Variants in C1orf21 observed in about 807,000 individuals in gnomAD.
C1orf21 encodes the protein uncharacterized protein C1orf21.
A neutral mutation model predicts 18.7 loss-of-function variants in C1orf21; 3 were observed. That is an observed-to-expected ratio of 0.16 (90% CI 0.07 to 0.42). The LOEUF (loss-of-function observed/expected upper bound fraction) is 0.42. Among genes scored for constraint, C1orf21 ranks in the 10% least tolerant of loss-of-function variants. The pLI is 0.99. For missense variants in C1orf21, 104 were observed against 143.6 expected, an observed-to-expected ratio of 0.72 and a Z score of 1.41; for synonymous variants, 41 against 46.4, an observed-to-expected ratio of 0.88 and a Z score of 0.47.
intron 1 of C1orf21, among the ~76,000 whole-genome samples, chr1:184,470,595 A>G (rs1487950649): frequency 6.6e-6 from 1 of 152,138 alleles, no homozygotes; most frequent in African/African-American, 2.4e-5. Context: ...GTGGAAGAAG[A>G]AGGCCAGGTG....
At chr1:184,619,445 G>T in intron 5 of C1orf21, 73 bp from the exon 6 acceptor site, 1 of 1,506,776 alleles carries the variant, frequency 6.6e-7, no homozygotes, top group Non-Finnish European at 9.2e-7. Context: ...AGAGAAAATT[G>T]ATTACAAGTA....
rs147307029 is a variant in C1orf21, at chr1:184,568,107, T to C, written c.190-22632T>C. ...CCATTTTAAAACCCTCTCTCTAGCCTAAAGTTTGAAGTGATACCCTTGAGG... is the reference window on the plus strand; with the variant it reads ...CCATTTTAAAACCCTCTCTCTAGCCCAAAGTTTGAAGTGATACCCTTGAGG... On this transcript the variant is annotated intron_variant, in intron 3 of 5. Transcript: ENST00000235307. Among the ~76,000 whole-genome samples the C allele has an allele frequency of 6.4e-3, 972 of 152,288 alleles. 9 individuals carry two copies. Among genetic ancestry groups the C allele is most frequent in the African/African-American group, 0.022 (922 of 41,548 alleles).
At chr1:184,530,916 A>G (rs562722044) in intron 3 of C1orf21, among the ~76,000 whole-genome samples, 1 of 152,080 alleles carries the variant, frequency 6.6e-6, no homozygotes, top group African/African-American at 2.4e-5. Context: ...GGTAATATTG[A>G]TGCAGGCAGA....
chr1:184,400,263 T>C (rs993537560), intron 1 of C1orf21, among the ~76,000 whole-genome samples: 3 of 152,222 alleles, frequency 2.0e-5, no homozygotes, highest in Non-Finnish European at 4.4e-5. Context: ...TGGTAAACAG[T>C]ATTTCGAGAC....
At chr1:184,530,625 G>GGGT (rs1437581649) in intron 3 of C1orf21, among the ~76,000 whole-genome samples, 1 of 137,660 alleles carries the variant, frequency 7.3e-6, no homozygotes, top group East Asian at 2.1e-4. Context: ...TTTTGAGCTG[G>GGGT]GGTTCACTTC....
chr1:184,547,642 G>T (rs948730065), intron 3 of C1orf21, among the ~76,000 whole-genome samples: 1 of 152,156 alleles, frequency 6.6e-6, no homozygotes, highest in Non-Finnish European at 1.5e-5. Context: ...AGTTGAGAGA[G>T]TAAAGCCAAA....
chr1:184,429,500 C>T (rs552886704), intron 1 of C1orf21, among the ~76,000 whole-genome samples: 1 of 152,238 alleles, frequency 6.6e-6, no homozygotes, highest in East Asian at 1.9e-4. Flanking sequence ...AGTTTTTGTA[C>T]GTGTTTCCAT....
At chr1:184,501,699 A>C (rs1657978694) in intron 2 of C1orf21, among the ~76,000 whole-genome samples, 1 of 152,204 alleles carries the variant, frequency 6.6e-6, no homozygotes, top group Non-Finnish European at 1.5e-5. Flanking sequence ...GAAACACAGA[A>C]AGGATAGCAG....
chr1:184,548,859 G>C (rs1364443494), intron 3 of C1orf21, among the ~76,000 whole-genome samples: 3 of 152,058 alleles, frequency 2.0e-5, no homozygotes, highest in Admixed American at 2.0e-4. Flanking sequence ...CGTTAAAGTT[G>C]TTGAAATATT....
At chr1:184,411,551 A>G (rs1019511182) in intron 1 of C1orf21, among the ~76,000 whole-genome samples, 1 of 150,920 alleles carries the variant, frequency 6.6e-6, no homozygotes, top group African/African-American at 2.4e-5. Context: ...CCTCCCGAGT[A>G]GCTGGGACTA....
intron 1 of C1orf21, among the ~76,000 whole-genome samples, chr1:184,442,613 A>G (rs1656966069): frequency 6.6e-6 from 1 of 152,170 alleles, no homozygotes. Flanking sequence ...GTTTGGCTCC[A>G]ATCTTATGAT....
intron 5 of C1orf21, among the ~76,000 whole-genome samples, chr1:184,617,904 G>GTTTTTTTT: frequency 1.1e-5 from 1 of 87,492 alleles, no homozygotes; most frequent in South Asian, 4.1e-4. Context: ...TGTTGTTGTT[G>GTTTTTTTT]TTTTTTTTTT....
chr1:184,476,764 A>C lies in C1orf21; in HGVS notation c.-124-622A>C, dbSNP rs116394191. On this transcript the variant is annotated intron_variant, in intron 1 of 5. Coordinates refer to ENST00000235307, the MANE Select transcript of C1orf21 (RefSeq NM_030806.4). ...GCTAGCTAAGCAGAAAATGGACAGAAGTAAGTTTTAGACCTTGCCCCATCT... is the reference window on the plus strand; with the variant it reads ...GCTAGCTAAGCAGAAAATGGACAGACGTAAGTTTTAGACCTTGCCCCATCT... Among the ~76,000 whole-genome samples, 175 of 152,328 alleles carry C rather than the reference A, an allele frequency of 1.1e-3. 1 individual carries two copies. Among genetic ancestry groups the C allele is most frequent in the African/African-American group, 4.0e-3 (166 of 41,576 alleles).
intron 1 of C1orf21, among the ~76,000 whole-genome samples, chr1:184,473,798 T>TG (rs1657529302): frequency 6.6e-6 from 1 of 152,218 alleles, no homozygotes; most frequent in South Asian, 2.1e-4. Context: ...GTATTTAAGC[T>TG]GCAATAGCTG....
chr1:184,411,612 C>T (rs1423995770), intron 1 of C1orf21, among the ~76,000 whole-genome samples: 1 of 151,996 alleles, frequency 6.6e-6, no homozygotes, highest in Non-Finnish European at 1.5e-5. Context: ...TTAATAGAGA[C>T]AGGGTTTCAC....
intron 1 of C1orf21, among the ~76,000 whole-genome samples, chr1:184,405,439 A>G (rs541151551): frequency 1.3e-5 from 2 of 152,162 alleles, no homozygotes; most frequent in African/African-American, 2.4e-5. Context: ...CAAGCCATCT[A>G]CCTGCCTCGG....
At chr1:184,434,384 TTCAG>T (rs937033219) in intron 1 of C1orf21, among the ~76,000 whole-genome samples, 6 of 152,296 alleles carry the variant, frequency 3.9e-5, no homozygotes, top group East Asian at 1.9e-4. Context: ...AAGTCATTCA[TTCAG>T]TCAGTCAGTC....
At chr1:184,468,482 T>G (rs571090979) in intron 1 of C1orf21, among the ~76,000 whole-genome samples, 108 of 152,330 alleles carry the variant, frequency 7.1e-4, no homozygotes, top group African/African-American at 2.4e-3. Context: ...GTTTTTCAAT[T>G]TGTAGGATTC....
chr1:184,619,638 C>CTA lies in C1orf21; in HGVS notation c.*84_*85dup, dbSNP rs1659884848. ...GTTGAAATCTTTGCAAAGGTCGGTT[C>CTA]TATTCAGCGAACAGCACTATAGCAA... is the stretch of plus-strand genomic sequence containing the variant. On this transcript the variant is annotated 3_prime_UTR_variant, in exon 6 of 6. Transcript: ENST00000235307. The CTA allele has an allele frequency of 1.5e-6, 2 of 1,338,718 alleles. No individual in the cohort carries two copies. The highest frequency in any genetic ancestry group is 2.9e-5 in the African/African-American group (2 of 67,948). The allele number at this position is 1,338,718 out of a possible 1,614,324, so 82.9% of individuals were successfully genotyped here.
Sources: allele counts gnomAD v4.1 joint callset (sites outside exome capture counted in the v4.1 genomes callset), GRCh38; gene constraint gnomAD v4.1.1; transcripts MANE v1.5; gene names NCBI Gene and HGNC (gene_info 2026-07-23, HGNC 2026-07-21).